The following RNF213 variants were observed in gnomAD, a reference collection of about 807,000 sequenced individuals.
The protein encoded by RNF213 is ring finger protein 213.
In RNF213, 341 loss-of-function variants were observed where a neutral mutation model predicts 514.4. The observed-to-expected ratio is 0.66, with a 90% confidence interval of 0.61 to 0.73. RNF213 has a LOEUF of 0.73. RNF213 is among the 30% of genes least tolerant of loss of function. The pLI is 0.00. For synonymous variants in RNF213, 2,655 were observed against 2,658.2 expected, an observed-to-expected ratio of 1.00 and a Z score of 0.04; for missense variants, 5,767 against 6,615.6, an observed-to-expected ratio of 0.87 and a Z score of 4.45.
At chr17:80,307,577 C>G (rs1196811829) in intron 13 of RNF213, among the ~76,000 whole-genome samples, 2 of 150,418 alleles carry the variant, frequency 1.3e-5, no homozygotes, top group Non-Finnish European at 3.0e-5. Context: ...GAGATGGAGT[C>G]TCACTCTTGT....
In RNF213 at chr17:80,386,819, G is replaced by A. The variant is rs371441113; in HGVS notation, c.14850G>A (p.Glu4950=). The change falls in exon 63 of 68, where the codon GAG becomes GAA. Residue 4950 remains glutamate (E), a synonymous_variant. Coordinates refer to ENST00000582970, the MANE Select transcript of RNF213 (RefSeq NM_001256071.3). ...QVEEGRETVQ[E]FDLEKIQRQI... ...AGGAGGGCAGAGAGACCGTGCAGGA[G>A]TTCGATCTGGAGAAGATTCAGCGGC... is the stretch of plus-strand genomic sequence containing the variant. 1 of 1,614,222 alleles carries A rather than the reference G, an allele frequency of 6.2e-7. No individual in the cohort carries two copies. The highest frequency in any genetic ancestry group is 2.2e-5 in the East Asian group (1 of 44,886).
intron 14 of RNF213, among the ~76,000 whole-genome samples, chr17:80,311,224 A>G (rs992139152): frequency 1.3e-5 from 2 of 152,238 alleles, no homozygotes; most frequent in African/African-American, 2.4e-5. Flanking sequence ...CCTTTGCAAT[A>G]CTAAAATTAA....
Position 80,389,873 on chromosome 17 carries a change from T to C in RNF213, c.15241T>C (p.Phe5081Leu). The change falls in exon 66 of 68, where the codon TTC (phenylalanine) becomes CTC (leucine). Residue 5081 changes from phenylalanine to leucine, a missense_variant. By Grantham distance (22) the Phe-to-Leu change is conservative (BLOSUM62 0). Around this residue, in one of 13 missense-constraint regions of RNF213, gnomAD observed 1,245 missense variants for 1,339.0 expected, o/e 0.93. Coordinates refer to ENST00000582970, the MANE Select transcript of RNF213 (RefSeq NM_001256071.3). ...AAAACACACCATTGCCCTCTGGCAG[T>C]TCCTGTCTGCTCATAAGTCTGAACA... Reference protein sequence around the residue: ...QLKHTIALWQFLSAHKSEQLL... With the variant: ...QLKHTIALWQLLSAHKSEQLL... 6.2e-7 allele frequency: 1 copy of C among 1,614,180 alleles called. No homozygotes were observed. The highest frequency in any genetic ancestry group is 8.5e-7 in the Non-Finnish European group (1 of 1,180,038).
In RNF213 at chr17:80,393,331, C is replaced by T. The variant is rs376714317; in HGVS notation, c.15471-14C>T. On this transcript the variant is annotated splice_polypyrimidine_tract_variant and intron_variant, in intron 67 of 67. Transcript: ENST00000582970. ...AGGAGACTGTTTTAAATGCTCTCTT[C>T]TTTGGTTTTTCAGCCTGAGAGACAC... 5 of 1,613,198 alleles carry T rather than the reference C, an allele frequency of 3.1e-6. No homozygotes were observed. The highest frequency in any genetic ancestry group is 1.7e-5 in the Admixed American group (1 of 59,998).
chr17:80,349,545 G>A (rs991187856), intron 29 of RNF213, among the ~76,000 whole-genome samples: 3 of 152,166 alleles, frequency 2.0e-5, no homozygotes, highest in Non-Finnish European at 4.4e-5. Flanking sequence ...AGGCACCCTC[G>A]GGGCAGGGTG....
At chr17:80,282,998 T>A (rs1368018331) in intron 3 of RNF213, among the ~76,000 whole-genome samples, 1 of 152,124 alleles carries the variant, frequency 6.6e-6, no homozygotes, top group East Asian at 1.9e-4. Flanking sequence ...ACGCCTGGCC[T>A]GATTCAATAT....
rs529845918 is a variant in RNF213 at position 80,391,004 on chromosome 17, G to C, written c.15470+808G>C. ...TTTAACCTGGGAGGTGGAGATTGCA[G>C]TGAGCTGAGATCGCACCACTGCACT... On this transcript the variant is annotated intron_variant, in intron 67 of 67. Coordinates refer to ENST00000582970, the MANE Select transcript of RNF213 (RefSeq NM_001256071.3). Among the ~76,000 whole-genome samples, 164 of 152,276 alleles carry C rather than the reference G, an allele frequency of 1.1e-3. 1 individual carries two copies. The highest frequency in any genetic ancestry group is 2.5e-3 in the Admixed American group (39 of 15,298).
chr17:80,337,564 TTC>T lies in RNF213; in HGVS notation c.4528-17_4528-16del, dbSNP rs1568089422. 6.5e-6 allele frequency: 10 copies of T among 1,536,526 alleles called. No individual in the cohort carries two copies. Among genetic ancestry groups the T allele is most frequent in the African/African-American group, 1.4e-5 (1 of 73,132 alleles). ...ATCCTCGCTCCAACCGTGGCCCGTG[TTC>T]TCTCCTTTTGTCCCCATAGTGTGAC... On this transcript the variant is annotated intron_variant, in intron 23 of 67. Transcript: ENST00000582970.
At chr17:80,307,853 TG>T (rs1028523518) in intron 13 of RNF213, among the ~76,000 whole-genome samples, 7 of 110,486 alleles carry the variant, frequency 6.3e-5, no homozygotes, top group African/African-American at 3.7e-4. Flanking sequence ...CCTGGCCGTC[TG>T]TTTTTTTTTT....
At chr17:80,336,078 T>G (rs1447794682) in intron 22 of RNF213, 83 bp from the exon 23 acceptor site, 2 of 1,123,952 alleles carry the variant, frequency 1.8e-6, no homozygotes, top group African/African-American at 3.1e-5. Flanking sequence ...CCATTTCAGC[T>G]TCAGTAAGGA....
At chr17:80,307,386 CAG>C (rs2045406314) in intron 13 of RNF213, among the ~76,000 whole-genome samples, 185 bp downstream of exon 13, 1 of 112,866 alleles carries the variant, frequency 8.9e-6, no homozygotes, top group Admixed American at 1.1e-4. Flanking sequence ...TTTTTTGAGT[CAG>C]AGTCTTACTC....
Position 80,317,119 on chromosome 17 carries a change from T to A in RNF213, c.2812-69T>A. On this transcript the variant is annotated intron_variant, in intron 15 of 67. Transcript: ENST00000582970. The surrounding 1 kb of genome is among the most constrained non-coding windows in gnomAD (Gnocchi z 4.1). ...GTATTGCCGTAATGCTCTGTCTTTC[T>A]CCTTTCATGGGAGTGTGCCGTGGCA... 1 of 1,515,624 alleles carries A rather than the reference T, an allele frequency of 6.6e-7. No individual in the cohort carries two copies. Among genetic ancestry groups the A allele is most frequent in the East Asian group, 2.3e-5 (1 of 43,734 alleles). 93.9% of individuals were successfully genotyped at this position (1,515,624 alleles called of 1,614,324 possible).
intron 3 of RNF213, chr17:80,279,032 G>A: frequency 7.4e-7 from 1 of 1,348,432 alleles, no homozygotes; most frequent in Non-Finnish European, 1.0e-6. Flanking sequence ...GGCTGCCCAG[G>A]ATGGGCGTTT....
At chr17:80,304,458 G>A (rs1006895574) in intron 11 of RNF213, among the ~76,000 whole-genome samples, 31 of 152,156 alleles carry the variant, frequency 2.0e-4, no homozygotes, top group African/African-American at 7.2e-4. Flanking sequence ...GGCTAACACA[G>A]TGAAACCCCA....
intron 38 of RNF213, 106 bp from the exon 39 acceptor site, chr17:80,361,628 A>G (rs1281095213): frequency 3.9e-5 from 50 of 1,281,196 alleles, no homozygotes; most frequent in Non-Finnish European, 5.4e-5. Flanking sequence ...ACGAGCTCCC[A>G]TTCAACAAGG....
rs771602137 is a variant in RNF213 at position 80,381,655 on chromosome 17, G to A, written c.13906G>A (p.Asp4636Asn). 4 of 1,614,182 alleles carry A rather than the reference G, an allele frequency of 2.5e-6. No individual in the cohort carries two copies. The highest frequency in any genetic ancestry group is 4.5e-5 in the East Asian group (2 of 44,884). Residue 4636 changes from aspartate to asparagine, a missense_variant, in exon 57 of 68, where the codon GAC becomes AAC. Transcript: ENST00000582970. ...QLAKMLGHSA[D>N]ETIGVVHLVL... Reference sequence around the variant, plus strand: ...GGCCAAGATGCTGGGACACAGTGCCGACGAGACCATCGGCGTGGTCCACCT... The same window carrying A: ...GGCCAAGATGCTGGGACACAGTGCCAACGAGACCATCGGCGTGGTCCACCT...
rs750379106 is a variant in RNF213, at chr17:80,388,638, C to T, written c.14949C>T (p.His4983=). 1.6e-5 allele frequency: 25 copies of T among 1,612,370 alleles called. No homozygotes were observed. The highest frequency in any genetic ancestry group is 2.7e-5 in the African/African-American group (2 of 74,870). ...GAATACCCACTCTGGTGTACAGACA[C>T]GACTGGAACTATGAACATCTCTTTA... ...LKGIPTLVYR[H]DWNYEHLFMD... The change falls in exon 64 of 68, where the codon CAC becomes CAT. Residue 4983 remains histidine (H), a synonymous_variant. Coordinates refer to ENST00000582970, the MANE Select transcript of RNF213 (RefSeq NM_001256071.3).
At chr17:80,319,136 C>T in intron 16 of RNF213, 54 bp from the exon 17 acceptor site, 1 of 1,613,980 alleles carries the variant, frequency 6.2e-7, no homozygotes, top group Non-Finnish European at 8.5e-7. Flanking sequence ...TCCCATAGAG[C>T]ACTGGAGCGC....
intron 17 of RNF213, among the ~76,000 whole-genome samples, chr17:80,324,616 T>C (rs1477589991): frequency 6.6e-6 from 1 of 152,096 alleles, no homozygotes; most frequent in Non-Finnish European, 1.5e-5. Flanking sequence ...AAAAGAGAAT[T>C]AAAATGTATA....
Sources: allele counts gnomAD v4.1 joint callset (sites outside exome capture counted in the v4.1 genomes callset), GRCh38; gene constraint gnomAD v4.1.1; regional missense constraint gnomAD v4.1.1; non-coding constraint Gnocchi (gnomAD v3.1); transcripts MANE v1.5; gene names NCBI Gene and HGNC (gene_info 2026-07-23, HGNC 2026-07-21).